Variants in PLEKHH3 observed in about 807,000 individuals in gnomAD.
PLEKHH3 encodes pleckstrin homology domain-containing family H member 3.
PLEKHH3 carries 57 observed loss-of-function variants against 77.8 expected under a neutral mutation model. That is an observed-to-expected ratio of 0.73 (90% CI 0.59 to 0.91). The LOEUF is 0.91. Among genes scored for constraint, PLEKHH3 ranks in the 40% least tolerant of loss-of-function variants. The probability of loss-of-function intolerance (pLI) is 0.00; values close to 1 mark genes in which losing one functional copy is unlikely to be tolerated. For missense variants in PLEKHH3, 1,082 were observed against 1,091.2 expected (o/e 0.99, Z 0.12); for synonymous variants, 467 against 504.8 (o/e 0.93, Z 1.00).
In PLEKHH3 at chr17:42,668,178, G is replaced by T; in HGVS notation, c.2331C>A (p.Gly777=). The change falls in exon 13 of 13, where the codon GGC becomes GGA. Residue 777 remains glycine, a synonymous_variant. Transcript: ENST00000591022. ...PDTSPPSQRP[G]LDEPQGQSGC... ...CAGACTGTCCCTGGGGCTCGTCCAG[G>T]CCCGGGCGCTGGCTGGGAGGGGAGG... is the stretch of plus-strand genomic sequence containing the variant. The T allele has an allele frequency of 1.3e-6, 2 of 1,541,734 alleles. No individual in the cohort carries two copies. The highest frequency in any genetic ancestry group is 1.4e-5 in the African/African-American group (1 of 70,228).
chr17:42,673,047 A>G, intron 6 of PLEKHH3, 129 bp downstream of exon 6: 2 of 1,298,928 alleles, frequency 1.5e-6, no homozygotes, highest in Non-Finnish European at 2.0e-6. Flanking sequence ...TTTCACCTTC[A>G]TCCTTCGAAA....
Position 42,676,633 on chromosome 17 carries a change from G to C in PLEKHH3, c.-70C>G. On this transcript the variant is annotated 5_prime_UTR_variant, in exon 1 of 13. Coordinates refer to ENST00000591022, the MANE Select transcript of PLEKHH3 (RefSeq NM_024927.5). This position sits in a 1 kb window ranked among gnomAD's most constrained non-coding sequence, Gnocchi z 6.6. ...GCAGTAGGGGGTCGGAGGAACTGGCGGGGCTCCGACCCGAGCAGGGGAAAG... is the reference window on the plus strand; with the variant it reads ...GCAGTAGGGGGTCGGAGGAACTGGCCGGGCTCCGACCCGAGCAGGGGAAAG... 6.9e-7 allele frequency: 1 copy of C among 1,453,968 alleles called. No individual in the cohort carries two copies. The highest frequency in any genetic ancestry group is 2.0e-5 in the Admixed American group (1 of 50,464). The allele number at this position is 1,453,968 out of a possible 1,614,324, so 90.1% of individuals were successfully genotyped here.
intron 2 of PLEKHH3, 31 bp downstream of exon 2, chr17:42,674,323 C>G (rs766321441): frequency 6.5e-7 from 1 of 1,543,394 alleles, no homozygotes; most frequent in African/African-American, 1.4e-5. Context: ...GCTGGGGTCG[C>G]CAGACTATGG....
rs758708167 is a variant in PLEKHH3 at position 42,669,455 on chromosome 17, C to T, written c.2180G>A (p.Ser727Asn). The T allele has an allele frequency of 6.4e-7, 1 of 1,563,192 alleles. No homozygotes were observed. Among genetic ancestry groups the T allele is most frequent in the East Asian group, 2.3e-5 (1 of 44,004 alleles). The change falls in exon 12 of 13, where the codon AGC (serine) becomes AAC (asparagine). Residue 727 changes from serine to asparagine, a missense_variant. Ser to Asn is a conservative substitution (Grantham distance 46). Around this residue, in one of 3 missense-constraint regions of PLEKHH3, gnomAD observed 733 missense variants for 750.0 expected, o/e 0.98. Coordinates refer to ENST00000591022, the MANE Select transcript of PLEKHH3 (RefSeq NM_024927.5). Reference protein sequence around the residue: ...PHTLALRVGESQLLLQSPQVE... With the variant: ...PHTLALRVGENQLLLQSPQVE... ...CTGGGGGCTCTGCAGGAGGAGCTGGCTCTCTCCCACCCTCAAGGCCAGGGT... is the reference window on the plus strand; with the variant it reads ...CTGGGGGCTCTGCAGGAGGAGCTGGTTCTCTCCCACCCTCAAGGCCAGGGT...
At chr17:42,675,860 A>G in intron 1 of PLEKHH3, 2 of 995,922 alleles carry the variant, frequency 2.0e-6, no homozygotes, top group South Asian at 8.9e-5. Context: ...TTCTGTCCTG[A>G]GTGGCAGGGT....
chr17:42,674,648 G>A (rs1254366153), intron 1 of PLEKHH3: 5 of 402,404 alleles, frequency 1.2e-5, no homozygotes, highest in Non-Finnish European at 2.2e-5. Flanking sequence ...GTTACCCTTT[G>A]AAAATACAAT....
rs761578348 is a variant in PLEKHH3, at chr17:42,676,473, C to G, written c.91G>C (p.Gly31Arg). ...TCGTCCTCGTCCTCGTCCCCGTCCC[C>G]GCTAAGCTCGCCGTCCCCGTAGTCC... ...HRDYGDGELSGDGDEDEDEET... is the reference protein window; with the variant it reads ...HRDYGDGELSRDGDEDEDEET... Residue 31 changes from glycine (G) to arginine (R), a missense_variant, in exon 1 of 13, where the codon GGG (glycine) becomes CGG (arginine). By Grantham distance (125) the Gly-to-Arg change is moderately radical (BLOSUM62 -2). Around this residue, in one of 3 missense-constraint regions of PLEKHH3, gnomAD observed 344 missense variants for 320.8 expected, o/e 1.07. Transcript: ENST00000591022. The surrounding 1 kb of genome is among the most constrained non-coding windows in gnomAD (Gnocchi z 6.6). 3 of 1,612,584 alleles carry G rather than the reference C, an allele frequency of 1.9e-6. No homozygotes were observed. Among genetic ancestry groups the G allele is most frequent in the Admixed American group, 1.7e-5 (1 of 59,888 alleles).
intron 11 of PLEKHH3, 57 bp downstream of exon 11, chr17:42,669,861 G>A (rs1004763777): frequency 1.3e-6 from 2 of 1,597,472 alleles, no homozygotes; most frequent in Non-Finnish European, 1.7e-6. Context: ...CTGTGGCTCT[G>A]GGGCAAAGGT....
In PLEKHH3 at chr17:42,670,705, G is replaced by A. The variant is rs763568859; in HGVS notation, c.1422C>T (p.Asn474=). ...CCAACCCAGCTTCCTCCGCGGCCAA[G>A]CTGCAGAAGAGGAGCGGACGAAGCG... ...LVADVLTRFE[N]LAAEEAGLED... The change falls in exon 10 of 13, where the codon AAC becomes AAT. Residue 474 remains asparagine, a splice_region_variant and synonymous_variant. Coordinates refer to ENST00000591022, the MANE Select transcript of PLEKHH3 (RefSeq NM_024927.5). 1 of 1,612,078 alleles carries A rather than the reference G, an allele frequency of 6.2e-7. No individual in the cohort carries two copies. The highest frequency in any genetic ancestry group is 1.3e-5 in the African/African-American group (1 of 75,036).
chr17:42,676,594 G>C lies in PLEKHH3; in HGVS notation c.-31C>G, dbSNP rs1024870452. 1 of 1,543,408 alleles carries C rather than the reference G, an allele frequency of 6.5e-7. No individual in the cohort carries two copies. The highest frequency in any genetic ancestry group is 1.2e-5 in the South Asian group (1 of 84,150). Reference sequence around the variant, plus strand: ...CGAGGAGCTGCGGATGGGGGCGCGGGCAGCCGCGGCCGAGCAGTAGGGGGT... The same window carrying C: ...CGAGGAGCTGCGGATGGGGGCGCGGCCAGCCGCGGCCGAGCAGTAGGGGGT... On this transcript the variant is annotated 5_prime_UTR_variant, in exon 1 of 13. Transcript: ENST00000591022. This position sits in a 1 kb window ranked among gnomAD's most constrained non-coding sequence, Gnocchi z 6.6.
chr17:42,670,212 C>T lies in PLEKHH3; in HGVS notation c.1719G>A (p.Pro573=). The change falls in exon 11 of 13, where the codon CCG becomes CCA. Residue 573 remains proline, a synonymous_variant. Coordinates refer to ENST00000591022, the MANE Select transcript of PLEKHH3 (RefSeq NM_024927.5). ...LPPPAPPRED[P]PRPTPRPPPS... is the part of the protein sequence containing the mutation. ...GGGGCGGCCTGGGGGTCGGGCGGGG[C>T]GGGTCTTCGCGCGGCGGGGCCGGGG... 1.7e-6 allele frequency: 2 copies of T among 1,147,140 alleles called. No individual in the cohort carries two copies. Among genetic ancestry groups the T allele is most frequent in the Non-Finnish European group, 1.1e-6 (1 of 928,002 alleles). The allele number at this position is 1,147,140 out of a possible 1,614,324, so 71.1% of individuals were successfully genotyped here. A position where few individuals can be genotyped will look rare whatever the true frequency, so the allele number is the denominator to read the frequency against.
chr17:42,676,880 G>A lies in PLEKHH3; in HGVS notation c.-317C>T, dbSNP rs2052839806. 3 of 356,164 alleles carry A rather than the reference G, an allele frequency of 8.4e-6. No individual in the cohort carries two copies. The highest frequency in any genetic ancestry group is 1.6e-5 in the Non-Finnish European group (3 of 193,432). 22.1% of individuals were successfully genotyped at this position (356,164 alleles called of 1,614,324 possible). ...TCCAGCCCTGTGGGGGGCAGTGTCC[G>A]GTGCAGCGTCCGAGGTGGGCAGTTG... On this transcript the variant is annotated 5_prime_UTR_variant, in exon 1 of 13. Coordinates refer to ENST00000591022, the MANE Select transcript of PLEKHH3 (RefSeq NM_024927.5). This position sits in a 1 kb window ranked among gnomAD's most constrained non-coding sequence, Gnocchi z 6.6.
rs1237001078 is a variant in PLEKHH3, at chr17:42,670,414, G to A, written c.1555-38C>T. 5 of 1,459,470 alleles carry A rather than the reference G, an allele frequency of 3.4e-6. No homozygotes were observed. In the African/African-American group the frequency reaches 5.7e-5, roughly 17 times the overall value. 90.4% of individuals were successfully genotyped at this position (1,459,470 alleles called of 1,614,324 possible). On this transcript the variant is annotated intron_variant, in intron 10 of 12. Transcript: ENST00000591022. ...CACCCGGCGTCAGTGTACGAGCGGCGGCGGAACCGTCGCGAAAACGCCTCG... is the reference window on the plus strand; with the variant it reads ...CACCCGGCGTCAGTGTACGAGCGGCAGCGGAACCGTCGCGAAAACGCCTCG...
intron 1 of PLEKHH3, among the ~76,000 whole-genome samples, chr17:42,675,457 G>A (rs2052801080): frequency 6.6e-6 from 1 of 152,082 alleles, no homozygotes; most frequent in African/African-American, 2.4e-5. Flanking sequence ...CATGTGGCAG[G>A]TACTGACCAC....
In PLEKHH3 at chr17:42,673,697, CG is replaced by C; in HGVS notation, c.435del (p.Val146CysfsTer8). The C allele has an allele frequency of 6.2e-7, 1 of 1,601,754 alleles. No homozygotes were observed. Among genetic ancestry groups the C allele is most frequent in the South Asian group, 1.1e-5 (1 of 91,064 alleles). On this transcript the variant is annotated frameshift_variant, in exon 4 of 13. Transcript: ENST00000591022. LOFTEE classifies it high-confidence loss of function. ...GTCACCGAGCACAGGCTGGTGAGCA[CG>C]AGGCTCCCGAGACGCCGCGCCCCTT... ...SGKGARRLGSLVLTSLCSVTG... is the reference protein window; with the variant it reads ...SGKGARRLGSXVLTSLCSVTG...
At chr17:42,673,913 T>G in intron 3 of PLEKHH3, 21 bp downstream of exon 3, 1 of 1,611,136 alleles carries the variant, frequency 6.2e-7, no homozygotes, top group Non-Finnish European at 8.5e-7. Flanking sequence ...GCCTCCAGAG[T>G]GCACTGAGGG....
chr17:42,676,172 G>A lies in PLEKHH3; in HGVS notation c.162+230C>T. ...CGCGTGACGCCTCCCCTGCCTCAGG[G>A]CCCCCAGCAGGTGGATAGCGCCCAG... On this transcript the variant is annotated intron_variant, in intron 1 of 12. Transcript: ENST00000591022. This position sits in a 1 kb window ranked among gnomAD's most constrained non-coding sequence, Gnocchi z 6.6. 1 of 1,382,046 alleles carries A rather than the reference G, an allele frequency of 7.2e-7. No individual in the cohort carries two copies. Among genetic ancestry groups the A allele is most frequent in the Non-Finnish European group, 9.4e-7 (1 of 1,065,898 alleles). 85.6% of individuals were successfully genotyped at this position (1,382,046 alleles called of 1,614,324 possible). A position where few individuals can be genotyped will look rare whatever the true frequency, so the allele number is the denominator to read the frequency against.
At chr17:42,675,243 G>A (rs1438436987) in intron 1 of PLEKHH3, among the ~76,000 whole-genome samples, 1 of 152,186 alleles carries the variant, frequency 6.6e-6, no homozygotes, top group Non-Finnish European at 1.5e-5. Flanking sequence ...AGAGCCAAGA[G>A]GGGGAGGTGG....
rs1343756983 is a variant in PLEKHH3, at chr17:42,674,384, T to A, written c.188A>T (p.Gln63Leu). ...GRGPLEVTLTQPVRSGPVSNR... is the reference protein window; with the variant it reads ...GRGPLEVTLTLPVRSGPVSNR... ...GGAGACAGGCCCGCTCCTCACTGGC[T>A]GAGTCAGCGTCACTTCCAGGGGACC... The change falls in exon 2 of 13, where the codon CAG (glutamine) becomes CTG (leucine). Residue 63 changes from glutamine (Q) to leucine (L), a missense_variant. Around this residue, in one of 3 missense-constraint regions of PLEKHH3, gnomAD observed 344 missense variants for 320.8 expected, o/e 1.07. Transcript: ENST00000591022. The A allele has an allele frequency of 1.3e-6, 2 of 1,595,096 alleles. No individual in the cohort carries two copies. The highest frequency in any genetic ancestry group is 1.1e-5 in the South Asian group (1 of 88,622).
Sources: gnomAD v4.1 joint callset for allele counts (sites outside exome capture counted in the v4.1 genomes callset) on GRCh38, gnomAD v4.1.1 for gene constraint, gnomAD v4.1.1 regional missense constraint, Gnocchi (gnomAD v3.1) non-coding constraint, MANE v1.5 for transcripts, NCBI Gene and HGNC (gene_info 2026-07-23, HGNC 2026-07-21) for gene names.